Variants in ELMO1 observed in about 807,000 individuals in gnomAD.
ELMO1 encodes engulfment and cell motility 1.
Under a neutral mutation model 98.9 loss-of-function variants are expected in ELMO1, and 26 were observed. That is an observed-to-expected ratio of 0.26 (90% CI 0.19 to 0.36). The LOEUF (loss-of-function observed/expected upper bound fraction) is 0.36, where lower values mean the gene tolerates loss of function less well. Among genes scored for constraint, ELMO1 ranks in the 10% least tolerant of loss-of-function variants. ELMO1 has a pLI of 1.00. For synonymous variants in ELMO1, 346 were observed against 346.0 expected (o/e 1.00, Z 0.00); for missense variants, 627 against 935.2 (o/e 0.67, Z 4.30).
At chr7:36,953,085 C>A (rs1280154641) in intron 16 of ELMO1, among the ~76,000 whole-genome samples, 5 of 151,324 alleles carry the variant, frequency 3.3e-5, no homozygotes, top group African/African-American at 1.2e-4. Flanking sequence ...CCTGCCTCAG[C>A]CTCCCGAGTA....
chr7:37,248,332 T>C (rs1189799978), intron 6 of ELMO1, among the ~76,000 whole-genome samples: 1 of 152,144 alleles, frequency 6.6e-6, no homozygotes, highest in Non-Finnish European at 1.5e-5. Context: ...CGGCATTTTT[T>C]TTTTCGCCAA....
chr7:37,348,768 T>C (rs1003797464), intron 1 of ELMO1, among the ~76,000 whole-genome samples: 19 of 152,214 alleles, frequency 1.2e-4, no homozygotes, highest in African/African-American at 4.6e-4. Flanking sequence ...CCTCTTGCTG[T>C]AGTCTCTTAA....
At chr7:37,249,319 TAG>T (rs1795188999) in intron 6 of ELMO1, among the ~76,000 whole-genome samples, 1 of 152,218 alleles carries the variant, frequency 6.6e-6, no homozygotes, top group Admixed American at 6.5e-5. Flanking sequence ...CACACAGCAC[TAG>T]ACTTTTCCAT....
chr7:37,230,357 G>C (rs2130605210), intron 8 of ELMO1, among the ~76,000 whole-genome samples: 1 of 152,300 alleles, frequency 6.6e-6, no homozygotes, highest in East Asian at 1.9e-4. Context: ...TAAGCAGTAA[G>C]GTCAGGGAGG....
chr7:36,943,999 G>A (rs1459732663), intron 16 of ELMO1, among the ~76,000 whole-genome samples: 1 of 152,202 alleles, frequency 6.6e-6, no homozygotes, highest in East Asian at 1.9e-4. Context: ...AGAACAGGGA[G>A]AGTAAGAGAG....
intron 15 of ELMO1, among the ~76,000 whole-genome samples, chr7:37,039,365 G>A (rs1795371261): frequency 6.6e-6 from 1 of 152,222 alleles, no homozygotes; most frequent in Non-Finnish European, 1.5e-5. Context: ...CAGGCCATGA[G>A]GAGGGGGAGA....
intron 15 of ELMO1, among the ~76,000 whole-genome samples, chr7:37,092,346 C>CAAAA (rs1257168399): frequency 7.8e-6 from 1 of 128,996 alleles, no homozygotes; most frequent in Non-Finnish European, 1.7e-5. Context: ...CTATCACTTG[C>CAAAA]AAAAAAAATT....
intron 16 of ELMO1, among the ~76,000 whole-genome samples, chr7:36,922,781 C>T (rs1470109052): frequency 1.3e-5 from 2 of 152,178 alleles, no homozygotes; most frequent in Non-Finnish European, 2.9e-5. Context: ...CTAAGAACCC[C>T]CCTTTCATAT....
chr7:36,914,677 C>A (rs2129069150), intron 16 of ELMO1, among the ~76,000 whole-genome samples: 1 of 152,180 alleles, frequency 6.6e-6, no homozygotes, highest in East Asian at 1.9e-4. Context: ...CCACGCCTAG[C>A]TAATTTTTGT....
Position 37,051,988 on chromosome 7 carries a change from T to A in ELMO1, c.1301-38553A>T, listed in dbSNP as rs75880129. 6.2e-3 allele frequency among the ~76,000 whole-genome samples: 951 copies of A among 152,202 alleles called. 6 individuals carry two copies. Among genetic ancestry groups the A allele is most frequent in the Non-Finnish European group, 0.011 (723 of 67,988 alleles). Reference sequence around the variant, plus strand: ...GGCAGAGGTCATTAAACAGCAGAGGTTCTCAGACCTTTCATTCCCTTATGA... The same window carrying A: ...GGCAGAGGTCATTAAACAGCAGAGGATCTCAGACCTTTCATTCCCTTATGA... On this transcript the variant is annotated intron_variant, in intron 15 of 21. Transcript: ENST00000310758.
At chr7:37,057,926 C>A (rs1413925789) in intron 15 of ELMO1, among the ~76,000 whole-genome samples, 1 of 152,200 alleles carries the variant, frequency 6.6e-6, no homozygotes, top group Non-Finnish European at 1.5e-5. Context: ...TTTGAAAATT[C>A]TTATACCATT....
At chr7:36,900,610 G>C (rs367713859) in intron 16 of ELMO1, among the ~76,000 whole-genome samples, 54 of 152,308 alleles carry the variant, frequency 3.5e-4, no homozygotes, top group Middle Eastern at 3.4e-3. Context: ...GAAGGGGATA[G>C]ATCTACAGCC....
At chr7:37,345,494 G>A (rs1234111846) in intron 1 of ELMO1, among the ~76,000 whole-genome samples, 2 of 151,924 alleles carry the variant, frequency 1.3e-5, no homozygotes, top group African/African-American at 4.8e-5. Flanking sequence ...TGGATCACTT[G>A]AGGCCAGGAG....
chr7:37,321,872 T>G (rs1169602122), intron 2 of ELMO1, among the ~76,000 whole-genome samples: 1 of 149,906 alleles, frequency 6.7e-6, no homozygotes, highest in Non-Finnish European at 1.5e-5. Flanking sequence ...TTTTTTTTTT[T>G]TTGTAAACGG....
At chr7:37,126,194 G>A (rs1210363624) in intron 14 of ELMO1, among the ~76,000 whole-genome samples, 1 of 151,502 alleles carries the variant, frequency 6.6e-6, no homozygotes, top group African/African-American at 2.4e-5. Context: ...TATACCTAAT[G>A]TAAATGACTA....
At chr7:37,130,308 T>C (rs981855701) in intron 14 of ELMO1, among the ~76,000 whole-genome samples, 4 of 152,170 alleles carry the variant, frequency 2.6e-5, no homozygotes, top group African/African-American at 9.7e-5. Context: ...CTTTGGCTCA[T>C]GGCTGGGCAT....
intron 14 of ELMO1, among the ~76,000 whole-genome samples, chr7:37,101,535 G>A (rs1321658764): frequency 1.3e-5 from 2 of 152,160 alleles, no homozygotes; most frequent in Non-Finnish European, 2.9e-5. Context: ...CAGGCAAAAA[G>A]TTAAAAAATT....
chr7:36,935,693 G>T (rs1786467814), intron 16 of ELMO1, among the ~76,000 whole-genome samples: 2 of 152,148 alleles, frequency 1.3e-5, no homozygotes, highest in Non-Finnish European at 2.9e-5. Flanking sequence ...GGCTCTTAAT[G>T]CTCTTACTAT....
intron 5 of ELMO1, 51 bp from the exon 6 acceptor site, chr7:37,259,401 GCAAAA>G (rs1442808580): frequency 3.8e-5 from 60 of 1,575,424 alleles, no homozygotes; most frequent in Non-Finnish European, 5.1e-5. Context: ...AACCACAACA[GCAAAA>G]CAGATTTATG....
Sources: allele counts gnomAD v4.1 joint callset (sites outside exome capture counted in the v4.1 genomes callset), GRCh38; gene constraint gnomAD v4.1.1; transcripts MANE v1.5; gene names NCBI Gene and HGNC (gene_info 2026-07-23, HGNC 2026-07-21).